Variants in ADAMTS18 observed in about 807,000 individuals in gnomAD.
ADAMTS18 encodes A disintegrin and metalloproteinase with thrombospondin motifs 18.
A neutral mutation model predicts 165.9 loss-of-function variants in ADAMTS18; 157 were observed. That is an observed-to-expected ratio of 0.95 (90% CI 0.83 to 1.08). The LOEUF (loss-of-function observed/expected upper bound fraction) is 1.08. ADAMTS18 is among the 50% of genes least tolerant of loss of function. ADAMTS18 has a pLI of 0.00. For missense variants in ADAMTS18, 2,040 were observed against 1,534.0 expected (o/e 1.33, Z -5.51); for synonymous variants, 782 against 578.2 (o/e 1.35, Z -5.06).
Position 77,326,015 on chromosome 16 carries a change from C to T in ADAMTS18, c.1883G>A (p.Cys628Tyr), listed in dbSNP as rs1377119072. 1 of 1,613,938 alleles carries T rather than the reference C, an allele frequency of 6.2e-7. No individual in the cohort carries two copies. The highest frequency in any genetic ancestry group is 2.2e-5 in the East Asian group (1 of 44,848). The change falls in exon 13 of 23, where the codon TGT becomes TAT. Residue 628 changes from cysteine to tyrosine, a missense_variant. Transcript: ENST00000282849. Reference sequence around the variant, plus strand: ...CTGATAAATACGGCTAGAACCTGGACAGAATAAGCCACCATACTGAGGCCT... The same window carrying T: ...CTGATAAATACGGCTAGAACCTGGATAGAATAAGCCACCATACTGAGGCCT... Reference protein sequence around the residue: ...NPKPQYGGLFCPGSSRIYQLC... With the variant: ...NPKPQYGGLFYPGSSRIYQLC...
rs146872649 is a variant in ADAMTS18 at position 77,319,956 on chromosome 16, G to A, written c.2425C>T (p.Pro809Ser). The A allele has an allele frequency of 6.2e-7, 1 of 1,614,194 alleles. No homozygotes were observed. The highest frequency in any genetic ancestry group is 8.5e-7 in the Non-Finnish European group (1 of 1,180,032). Residue 809 changes from proline (P) to serine (S), a missense_variant, in exon 16 of 23, where the codon CCT (proline) becomes TCT (serine). Coordinates refer to ENST00000282849, the MANE Select transcript of ADAMTS18 (RefSeq NM_199355.4). ...YLTGGWSIDW[P>S]GEFPFAGTTF... ...GTCCCAGCGAAGGGGAACTCCCCAG[G>A]CCAGTCGATGCTCCAGCCCCCGGTG...
chr16:77,310,464 CAT>C (rs2055759731), intron 16 of ADAMTS18, among the ~76,000 whole-genome samples: 2 of 152,160 alleles, frequency 1.3e-5, no homozygotes, highest in Admixed American at 1.3e-4. Flanking sequence ...TCCAAAGTCA[CAT>C]AGTTTGTAGC....
intron 3 of ADAMTS18, among the ~76,000 whole-genome samples, chr16:77,423,408 C>G (rs1451054569): frequency 6.6e-6 from 1 of 152,104 alleles, no homozygotes; most frequent in East Asian, 1.9e-4. Context: ...ATTATCACAA[C>G]TGATATTATT....
intron 11 of ADAMTS18, among the ~76,000 whole-genome samples, chr16:77,338,790 A>T (rs1157330661): frequency 1.3e-5 from 2 of 151,514 alleles, no homozygotes; most frequent in African/African-American, 4.8e-5. Context: ...CATCTCTAAT[A>T]AAAAATAGAA....
chr16:77,344,145 ATG>A (rs936023847), intron 10 of ADAMTS18, among the ~76,000 whole-genome samples: 4 of 134,156 alleles, frequency 3.0e-5, no homozygotes, highest in African/African-American at 8.2e-5. Context: ...ATATATATGT[ATG>A]TGTGTGTGTA....
intron 3 of ADAMTS18, among the ~76,000 whole-genome samples, chr16:77,376,511 C>G (rs274523): frequency 0.043 from 6,575 of 152,126 alleles, 488 homozygotes; most frequent in African/African-American, 0.15. Context: ...ACCCCTTCCC[C>G]TCAAGAGACA....
At chr16:77,327,511 C>T (rs2056115943) in intron 12 of ADAMTS18, among the ~76,000 whole-genome samples, 1 of 152,162 alleles carries the variant, frequency 6.6e-6, no homozygotes, top group Non-Finnish European at 1.5e-5. Context: ...GCCCATCAAT[C>T]AACGAGTAAA....
chr16:77,409,386 A>T (rs2057432426), intron 3 of ADAMTS18, among the ~76,000 whole-genome samples: 1 of 152,198 alleles, frequency 6.6e-6, no homozygotes, highest in Non-Finnish European at 1.5e-5. Context: ...GAAAATAGAG[A>T]TAAGAAACTG....
At chr16:77,353,214 C>T (rs2056581239) in intron 10 of ADAMTS18, among the ~76,000 whole-genome samples, 1 of 152,152 alleles carries the variant, frequency 6.6e-6, no homozygotes, top group African/African-American at 2.4e-5. Flanking sequence ...GACTTTTGTA[C>T]TTTCCCAATT....
chr16:77,420,884 A>G (rs2057593338), intron 3 of ADAMTS18, among the ~76,000 whole-genome samples: 1 of 152,212 alleles, frequency 6.6e-6, no homozygotes, highest in Admixed American at 6.5e-5. Context: ...GCAAAGTTAA[A>G]TAGAAAAAGG....
intron 9 of ADAMTS18, among the ~76,000 whole-genome samples, chr16:77,354,933 A>G (rs2056606063): frequency 6.6e-6 from 1 of 152,154 alleles, no homozygotes; most frequent in Non-Finnish European, 1.5e-5. Flanking sequence ...TAATAGGAAA[A>G]TCTTCATGGC....
chr16:77,411,262 C>T (rs1206187237), intron 3 of ADAMTS18, among the ~76,000 whole-genome samples: 1 of 152,160 alleles, frequency 6.6e-6, no homozygotes, highest in Non-Finnish European at 1.5e-5. Flanking sequence ...ATATATATAT[C>T]TCCCGGTCTC....
rs1439097174 is a variant in ADAMTS18, at chr16:77,310,259, C to G, written c.2532+9590G>C. 4.6e-5 allele frequency among the ~76,000 whole-genome samples: 7 copies of G among 152,150 alleles called. No individual in the cohort carries two copies. The East Asian group carries it at 1.3e-3, about 29-fold the overall frequency. On this transcript the variant is annotated intron_variant, in intron 16 of 22. Transcript: ENST00000282849. The stretch of plus-strand genomic sequence containing the variant: ...CACTCCATACATTTTCTTAAACATC[C>G]CACGATGTTCCAGACACTGTGCCAA...
intron 3 of ADAMTS18, among the ~76,000 whole-genome samples, chr16:77,393,832 T>C (rs1437021507): frequency 3.9e-5 from 6 of 152,242 alleles, no homozygotes; most frequent in Non-Finnish European, 7.3e-5. Context: ...CAAAGGCCTC[T>C]ACTGTCGACT....
At chr16:77,398,075 G>C (rs1290921256) in intron 3 of ADAMTS18, among the ~76,000 whole-genome samples, 2 of 152,148 alleles carry the variant, frequency 1.3e-5, no homozygotes, top group African/African-American at 4.8e-5. Context: ...CCAGCACTTT[G>C]GGAGGCCGAG....
intron 3 of ADAMTS18, among the ~76,000 whole-genome samples, chr16:77,371,844 T>C (rs2056880762): frequency 6.6e-6 from 1 of 152,102 alleles, no homozygotes. Flanking sequence ...AACCCACAGA[T>C]GGAGAAAATA....
rs1424114144 is a variant in ADAMTS18, at chr16:77,354,027, A to C, written c.1461-141T>G. On this transcript the variant is annotated intron_variant, in intron 9 of 22. Coordinates refer to ENST00000282849, the MANE Select transcript of ADAMTS18 (RefSeq NM_199355.4). ...AGGTATATGTTTAAAGTTCAAATCT[A>C]TGTTTATGCCAAAGAGTGAGTCCTG... 1.8e-5 allele frequency: 19 copies of C among 1,064,248 alleles called. No homozygotes were observed. In the Admixed American group the frequency reaches 3.4e-4, roughly 19 times the overall value. The allele number at this position is 1,064,248 out of a possible 1,614,324, so 65.9% of individuals were successfully genotyped here. A position where few individuals can be genotyped will look rare whatever the true frequency, so the allele number is the denominator to read the frequency against.
intron 22 of ADAMTS18, among the ~76,000 whole-genome samples, chr16:77,285,208 TG>T (rs1330260918): frequency 6.6e-6 from 1 of 152,146 alleles, no homozygotes; most frequent in Non-Finnish European, 1.5e-5. Context: ...ATTTTGCTCT[TG>T]TTGCCCAGGC....
At chr16:77,369,380 T>G (rs1177572277) in intron 3 of ADAMTS18, among the ~76,000 whole-genome samples, 1 of 152,232 alleles carries the variant, frequency 6.6e-6, no homozygotes. Context: ...TTAATTAATT[T>G]TGGGTTTAGT....
Sources: gnomAD v4.1 joint callset for allele counts (sites outside exome capture counted in the v4.1 genomes callset) on GRCh38, gnomAD v4.1.1 for gene constraint, MANE v1.5 for transcripts, NCBI Gene and HGNC (gene_info 2026-07-23, HGNC 2026-07-21) for gene names.